TMC7: variants seen among roughly 807,000 people sequenced by gnomAD.
TMC7 encodes transmembrane channel-like protein 7.
In TMC7, 54 loss-of-function variants were observed where a neutral mutation model predicts 82.9. The observed-to-expected ratio is 0.65, with a 90% CI of 0.52 to 0.82. The LOEUF is 0.82. Ranked by LOEUF, TMC7 falls within the 40% of genes least tolerant of loss-of-function variation. The probability of loss-of-function intolerance (pLI) is 0.00; values close to 1 mark genes in which losing one functional copy is unlikely to be tolerated. For synonymous variants in TMC7, 350 were observed against 337.9 expected, an observed-to-expected ratio of 1.04 and a Z score of -0.39; for missense variants, 820 against 901.2, an observed-to-expected ratio of 0.91 and a Z score of 1.15.
chr16:19,008,104 T>C (rs55801690), intron 1 of TMC7, among the ~76,000 whole-genome samples: 3,008 of 152,286 alleles, frequency 0.02, 102 homozygotes, highest in African/African-American at 0.069. Context: ...CTTTGCTGCA[T>C]AGGGGTAATT....
At chr16:19,035,629 C>G (rs377485750) in intron 6 of TMC7, 47 bp from the exon 7 acceptor site, 66 of 1,612,938 alleles carry the variant, frequency 4.1e-5, no homozygotes, top group African/African-American at 9.3e-5. Flanking sequence ...AGGGGACTCT[C>G]TTTTGCTGTT....
intron 9 of TMC7, among the ~76,000 whole-genome samples, chr16:19,041,044 C>T (rs1226256970): frequency 6.6e-6 from 1 of 151,914 alleles, no homozygotes; most frequent in Non-Finnish European, 1.5e-5. Context: ...ACATGCACCA[C>T]CATGCCCAGC....
chr16:19,009,882 A>G (rs1344008992), intron 2 of TMC7, among the ~76,000 whole-genome samples: 1 of 147,722 alleles, frequency 6.8e-6, no homozygotes, highest in Non-Finnish European at 1.5e-5. Context: ...CAGAGCTTGC[A>G]GTGAGCCGAG....
In TMC7 at chr16:19,009,361, G is replaced by A; in HGVS notation, c.257G>A (p.Ser86Asn). Residue 86 changes from serine (S) to asparagine (N), a missense_variant, in exon 2 of 16, where the codon AGC becomes AAC. Physicochemically the swap from Ser to Asn is conservative, Grantham distance 46. Coordinates refer to ENST00000304381, the MANE Select transcript of TMC7 (RefSeq NM_024847.4). ...QLEDRIAENL[S>N]SHSLRNYALN... ...GAGGACAGAATCGCTGAAAACCTCA[G>A]CAGCCATTCTCTTCGAAATTATGCA... 1.2e-6 allele frequency: 2 copies of A among 1,614,176 alleles called. No homozygotes were observed. The highest frequency in any genetic ancestry group is 8.5e-7 in the Non-Finnish European group (1 of 1,180,048).
intron 5 of TMC7, among the ~76,000 whole-genome samples, chr16:19,025,799 T>G (rs1960196972): frequency 6.6e-6 from 1 of 151,366 alleles, no homozygotes; most frequent in Admixed American, 6.6e-5. Flanking sequence ...GCTCTGTTGC[T>G]CAGAGAGTGC....
At chr16:19,020,494 A>G (rs1212594650) in intron 3 of TMC7, among the ~76,000 whole-genome samples, 11 of 152,366 alleles carry the variant, frequency 7.2e-5, no homozygotes, top group Admixed American at 6.5e-4. Context: ...GTCTCTATAT[A>G]AAATGAATTG....
At chr16:19,008,077 G>A (rs1470423931) in intron 1 of TMC7, among the ~76,000 whole-genome samples, 1 of 152,112 alleles carries the variant, frequency 6.6e-6, no homozygotes, top group Non-Finnish European at 1.5e-5. Flanking sequence ...TGATCATGAA[G>A]CTTTGCTGCA....
intron 9 of TMC7, among the ~76,000 whole-genome samples, chr16:19,041,660 C>T (rs1214860131): frequency 6.6e-6 from 1 of 152,216 alleles, no homozygotes; most frequent in East Asian, 1.9e-4. Context: ...GCGTGAGCCA[C>T]CGTGCCCAGC....
chr16:19,058,334 C>T (rs62025555), intron 14 of TMC7, among the ~76,000 whole-genome samples: 2 of 152,066 alleles, frequency 1.3e-5, no homozygotes, highest in African/African-American at 4.8e-5. Context: ...GAGCTGAGAT[C>T]GCGCCATTGC....
At chr16:18,988,514 C>A (rs2038893689) in intron 1 of TMC7, among the ~76,000 whole-genome samples, 1 of 152,146 alleles carries the variant, frequency 6.6e-6, no homozygotes, top group South Asian at 2.1e-4. Context: ...TGGTCCCAAA[C>A]TCCTGAGTTC....
At chr16:18,998,965 G>T (rs1379902817) in intron 1 of TMC7, among the ~76,000 whole-genome samples, 1 of 152,100 alleles carries the variant, frequency 6.6e-6, no homozygotes, top group Non-Finnish European at 1.5e-5. Flanking sequence ...TAGCAGATCC[G>T]GGAGGCTACC....
intron 15 of TMC7, chr16:19,059,798 G>A (rs1370945651): frequency 1.1e-5 from 9 of 850,182 alleles, no homozygotes; most frequent in Non-Finnish European, 1.4e-5. Flanking sequence ...CCAACATGGT[G>A]AAACCCCGTC....
At chr16:18,991,886 G>C (rs1169757995) in intron 1 of TMC7, among the ~76,000 whole-genome samples, 1 of 152,152 alleles carries the variant, frequency 6.6e-6, no homozygotes, top group African/African-American at 2.4e-5. Flanking sequence ...TGAGAATGCT[G>C]GTTTCCAGCG....
Position 19,035,836 on chromosome 16 carries a change from G to C in TMC7, c.1005+13G>C, listed in dbSNP as rs1960722537. The C allele has an allele frequency of 5.2e-5, 81 of 1,558,642 alleles. No individual in the cohort carries two copies. Among genetic ancestry groups the C allele is most frequent in the Non-Finnish European group, 6.8e-5 (78 of 1,153,338 alleles). On this transcript the variant is annotated intron_variant, in intron 7 of 15. Coordinates refer to ENST00000304381, the MANE Select transcript of TMC7 (RefSeq NM_024847.4). ...GTACGAGCTCCGAGTGAGTGCTCCT[G>C]AGTTTGTCCGTGGTGGGGTCCTCAC...
At position 19,061,855 on chromosome 16, in the gene TMC7, G is replaced by C. The variant is rs146675358; in HGVS notation, c.*12G>C. ...ACATGAGGAACTAACTAGACTGAGC[G>C]TGAAGATGGTGCTGCCTGTTGCTTC... On this transcript the variant is annotated 3_prime_UTR_variant, in exon 16 of 16. Transcript: ENST00000304381. 3 of 1,611,566 alleles carry C rather than the reference G, an allele frequency of 1.9e-6. No homozygotes were observed. The highest frequency in any genetic ancestry group is 2.5e-6 in the Non-Finnish European group (3 of 1,178,362).
intron 5 of TMC7, among the ~76,000 whole-genome samples, chr16:19,024,783 G>T (rs1441465807): frequency 1.3e-5 from 2 of 151,890 alleles, no homozygotes; most frequent in East Asian, 3.9e-4. Context: ...GAGGTGGGTG[G>T]GTCACAAGGT....
chr16:19,019,075 C>T (rs1959844818), intron 3 of TMC7, among the ~76,000 whole-genome samples: 1 of 152,196 alleles, frequency 6.6e-6, no homozygotes, highest in African/African-American at 2.4e-5. Context: ...GTCTTGAATT[C>T]CTGACCTCAG....
intron 1 of TMC7, among the ~76,000 whole-genome samples, chr16:19,004,882 T>C (rs890312703): frequency 3.3e-5 from 5 of 151,446 alleles, no homozygotes; most frequent in Non-Finnish European, 7.4e-5. Context: ...GTTTTTTTTT[T>C]CTTGGAATTG....
Position 19,061,892 on chromosome 16 carries a change from A to G in TMC7, c.*49A>G. On this transcript the variant is annotated 3_prime_UTR_variant, in exon 16 of 16. Coordinates refer to ENST00000304381, the MANE Select transcript of TMC7 (RefSeq NM_024847.4). ...CTGCCTGTTGCTTCTAAGCTGACCT[A>G]GTGATTCTGCTGAGCCTACAGAGTC... 1 of 1,531,658 alleles carries G rather than the reference A, an allele frequency of 6.5e-7. No homozygotes were observed. Among genetic ancestry groups the G allele is most frequent in the Non-Finnish European group, 9.0e-7 (1 of 1,115,528 alleles). 94.9% of individuals were successfully genotyped at this position (1,531,658 alleles called of 1,614,324 possible). A position where few individuals can be genotyped will look rare whatever the true frequency, so the allele number is the denominator to read the frequency against.
Sources: gnomAD v4.1 joint callset for allele counts (sites outside exome capture counted in the v4.1 genomes callset) on GRCh38, gnomAD v4.1.1 for gene constraint, MANE v1.5 for transcripts, NCBI Gene and HGNC (gene_info 2026-07-23, HGNC 2026-07-21) for gene names.